TP73: variants seen among roughly 807,000 people sequenced by gnomAD.
TP73 encodes p53-like transcription factor.
In TP73, 25 loss-of-function variants were observed where a neutral mutation model predicts 62.5. That is an observed-to-expected ratio of 0.40 (90% CI 0.29 to 0.56). The LOEUF is 0.56. TP73 is among the 20% of genes least tolerant of loss of function. TP73 has a pLI of 0.46. For synonymous variants in TP73, 423 were observed against 377.5 expected (o/e 1.12, Z -1.40); for missense variants, 754 against 913.3 (o/e 0.83, Z 2.25).
intron 1 of TP73, among the ~76,000 whole-genome samples, chr1:3,677,927 G>A (rs1122638): frequency 0.39 from 59,175 of 151,782 alleles, 11,833 homozygotes; most frequent in Middle Eastern, 0.49. Flanking sequence ...CTGGTCTCAA[G>A]CCCTTGGGCT....
chr1:3,727,092 T>G (rs1297545994), intron 6 of TP73, 23 bp from the exon 7 acceptor site: 2 of 1,602,000 alleles, frequency 1.2e-6, no homozygotes, highest in Non-Finnish European at 1.7e-6. Flanking sequence ...TGCTAGCCCC[T>G]CTCCCTGCTC....
At chr1:3,716,024 T>C (rs896443995) in intron 4 of TP73, among the ~76,000 whole-genome samples, 1 of 152,156 alleles carries the variant, frequency 6.6e-6, no homozygotes, top group African/African-American at 2.4e-5. Context: ...CTCACCTGTT[T>C]AGGACATGGC....
At chr1:3,692,787 G>A (rs371635310) in intron 3 of TP73, among the ~76,000 whole-genome samples, 9 of 152,108 alleles carry the variant, frequency 5.9e-5, no homozygotes, top group African/African-American at 1.2e-4. Context: ...TCACCCTCTC[G>A]GGGGACTCCA....
At position 3,672,918 on chromosome 1, in the gene TP73, C is replaced by T. The variant is rs1274745207; in HGVS notation, c.-33-9415C>T. ...CCTCCAAACCCTCCTGACCCGCTTA[C>T]CCCCAGGAGCACCGCCCACTCCAAG... On this transcript the variant is annotated intron_variant, in intron 1 of 13. Coordinates refer to ENST00000378295, the MANE Select transcript of TP73 (RefSeq NM_005427.4). This position sits in a 1 kb window ranked among gnomAD's most constrained non-coding sequence, Gnocchi z 5.3. Among the ~76,000 whole-genome samples, 1 of 152,186 alleles carries T rather than the reference C, an allele frequency of 6.6e-6. No homozygotes were observed. The highest frequency in any genetic ancestry group is 2.4e-5 in the African/African-American group (1 of 41,452).
intron 3 of TP73, among the ~76,000 whole-genome samples, chr1:3,694,832 C>T (rs1236467935): frequency 7.5e-6 from 1 of 133,142 alleles, no homozygotes; most frequent in African/African-American, 2.9e-5. Flanking sequence ...CCCATGCAGC[C>T]TCAGCCCCTC....
chr1:3,698,558 G>C (rs571461465), intron 3 of TP73, among the ~76,000 whole-genome samples: 1 of 152,174 alleles, frequency 6.6e-6, no homozygotes. Flanking sequence ...GGCTTTGAGC[G>C]GGATCCGGGA....
chr1:3,719,237 G>A (rs1253844702), intron 4 of TP73, among the ~76,000 whole-genome samples: 1 of 152,184 alleles, frequency 6.6e-6, no homozygotes, highest in Non-Finnish European at 1.5e-5. Flanking sequence ...TCTGCTACAC[G>A]TTACTGAGGA....
chr1:3,688,843 C>G (rs1370019505), intron 3 of TP73, among the ~76,000 whole-genome samples: 1 of 152,184 alleles, frequency 6.6e-6, no homozygotes, highest in Non-Finnish European at 1.5e-5. Flanking sequence ...GGGGCTCGTG[C>G]TGAAGGCAGC....
rs1260089483 is a variant in TP73 at position 3,736,123 on chromosome 1, G to A, written c.*3044G>A. 2 of 152,236 alleles carry A rather than the reference G, an allele frequency of 1.3e-5. No individual in the cohort carries two copies. Among genetic ancestry groups the A allele is most frequent in the Admixed American group, 1.3e-4 (2 of 15,286 alleles). The allele number at this position is 152,236 out of a possible 1,614,324, so 9.4% of individuals were successfully genotyped here. A position where few individuals can be genotyped will look rare whatever the true frequency, so the allele number is the denominator to read the frequency against. On this transcript the variant is annotated 3_prime_UTR_variant, in exon 14 of 14. Coordinates refer to ENST00000378295, the MANE Select transcript of TP73 (RefSeq NM_005427.4). ...AACTGTTTTTGGTAATGTAATCTTG[G>A]GAAAATGTGTTATTTTTTTAGCTGT...
In TP73 at chr1:3,733,863, G is replaced by A. The variant is rs1434808460; in HGVS notation, c.*784G>A. 1 of 151,804 alleles carries A rather than the reference G, an allele frequency of 6.6e-6. No individual in the cohort carries two copies. The highest frequency in any genetic ancestry group is 2.4e-5 in the African/African-American group (1 of 41,336). The allele number at this position is 151,804 out of a possible 1,614,324, so 9.4% of individuals were successfully genotyped here. On this transcript the variant is annotated 3_prime_UTR_variant, in exon 14 of 14. Transcript: ENST00000378295. ...AGAAAGGGACAGCCTGTCCTTAGAGGACTGGAAATTGTCAATATTTGATAA... is the reference window on the plus strand; with the variant it reads ...AGAAAGGGACAGCCTGTCCTTAGAGAACTGGAAATTGTCAATATTTGATAA...
At chr1:3,689,185 C>T (rs1389138437) in intron 3 of TP73, among the ~76,000 whole-genome samples, 4 of 152,188 alleles carry the variant, frequency 2.6e-5, no homozygotes, top group African/African-American at 9.6e-5. Flanking sequence ...CTAGTGCTCG[C>T]CCTGGGCTCT....
intron 1 of TP73, among the ~76,000 whole-genome samples, chr1:3,673,866 G>A (rs567055884): frequency 2.6e-5 from 4 of 152,336 alleles, no homozygotes; most frequent in Admixed American, 6.5e-5. Context: ...GGTGCGGGGT[G>A]TGGCTGTGCG....
intron 3 of TP73, among the ~76,000 whole-genome samples, chr1:3,703,478 C>T (rs925792574): frequency 1.3e-5 from 2 of 152,192 alleles, no homozygotes; most frequent in Non-Finnish European, 2.9e-5. Context: ...CACTTGTCCA[C>T]TAATTAGGAT....
Position 3,732,974 on chromosome 1 carries a change from AGGCGGCGGCCCT to A in TP73, c.1808_1819del (p.Gly603_Pro606del), listed in dbSNP as rs1642255520. On this transcript the variant is annotated inframe_deletion, in exon 14 of 14. Coordinates refer to ENST00000378295, the MANE Select transcript of TP73 (RefSeq NM_005427.4). The stretch of plus-strand genomic sequence containing the variant: ...TCACCATCCCCAACCGCGGCGGCCC[AGGCGGCGGCCCT>A]GACGAGTGGGCGGACTTCGGCTTCG... The A allele has an allele frequency of 2.5e-6, 4 of 1,600,060 alleles. No individual in the cohort carries two copies. Among genetic ancestry groups the A allele is most frequent in the East Asian group, 2.3e-5 (1 of 44,276 alleles).
At chr1:3,716,625 G>A (rs1468367206) in intron 4 of TP73, among the ~76,000 whole-genome samples, 1 of 152,198 alleles carries the variant, frequency 6.6e-6, no homozygotes, top group Non-Finnish European at 1.5e-5. Flanking sequence ...CTCTCTGAGG[G>A]CGACAGTGAC....
chr1:3,727,512 G>C, intron 7 of TP73, 116 bp from the exon 8 acceptor site: 1 of 1,427,790 alleles, frequency 7.0e-7, no homozygotes, highest in South Asian at 1.3e-5. Context: ...TGGGTGCTCT[G>C]TGGTGACCGA....
rs1208929002 is a variant in TP73, at chr1:3,666,598, C to G, written c.-34+13957C>G. On this transcript the variant is annotated intron_variant, in intron 1 of 13. Coordinates refer to ENST00000378295, the MANE Select transcript of TP73 (RefSeq NM_005427.4). The surrounding 1 kb of genome is among the most constrained non-coding windows in gnomAD (Gnocchi z 6.4). ...CTTTTAATGGTCCCTCTGCTGGCTC[C>G]CTCCCCACCACCTCCTGCCCACCTC... Among the ~76,000 whole-genome samples, 2 of 152,200 alleles carry G rather than the reference C, an allele frequency of 1.3e-5. No homozygotes were observed. Among genetic ancestry groups the G allele is most frequent in the South Asian group, 2.1e-4 (1 of 4,814 alleles).
intron 1 of TP73, among the ~76,000 whole-genome samples, chr1:3,681,918 C>T (rs1008301859): frequency 1.5e-4 from 16 of 109,232 alleles, no homozygotes; most frequent in African/African-American, 3.7e-4. Context: ...AACCTAGACA[C>T]AGTGGATCAT....
intron 4 of TP73, among the ~76,000 whole-genome samples, chr1:3,713,402 G>A (rs540358699): frequency 6.6e-6 from 1 of 152,330 alleles, no homozygotes; most frequent in South Asian, 2.1e-4. Context: ...GCCCACAGGG[G>A]AGGGCCGTCC....
Sources: gnomAD v4.1 joint callset for allele counts (sites outside exome capture counted in the v4.1 genomes callset) on GRCh38, gnomAD v4.1.1 for gene constraint, Gnocchi (gnomAD v3.1) non-coding constraint, MANE v1.5 for transcripts, NCBI Gene and HGNC (gene_info 2026-07-23, HGNC 2026-07-21) for gene names.